CA10: variants seen among roughly 807,000 people sequenced by gnomAD.
CA10 encodes carbonic anhydrase 10 (inactive), also known as carbonic anhydrase-related protein 10.
A neutral mutation model predicts 44.2 loss-of-function variants in CA10; 14 were observed. That is an observed-to-expected ratio of 0.32 (90% CI 0.21 to 0.50). CA10 has a LOEUF of 0.50. Ranked by LOEUF, CA10 falls within the 20% of genes least tolerant of loss-of-function variation. The pLI is 0.99. For missense variants in CA10, 350 were observed against 409.7 expected, an observed-to-expected ratio of 0.85 and a Z score of 1.26; for synonymous variants, 159 against 141.6, an observed-to-expected ratio of 1.12 and a Z score of -0.87.
Position 51,815,886 on chromosome 17 carries a change from C to T in CA10, c.280-68068G>A, listed in dbSNP as rs1005718445. ...GAAATAAGCACATCATGGAGAATGG[C>T]GTATCCACCTCCTCAAACATTTATC... is the stretch of plus-strand genomic sequence containing the variant. On this transcript the variant is annotated intron_variant, in intron 3 of 8. Coordinates refer to ENST00000451037, the MANE Select transcript of CA10 (RefSeq NM_020178.5). Among the ~76,000 whole-genome samples, 17 of 151,922 alleles carry T rather than the reference C, an allele frequency of 1.1e-4. No individual in the cohort carries two copies. The South Asian group carries it at 3.5e-3, about 32-fold the overall frequency.
intron 2 of CA10, among the ~76,000 whole-genome samples, chr17:52,044,004 C>A (rs1179776735): frequency 1.3e-5 from 2 of 151,984 alleles, no homozygotes; most frequent in African/African-American, 4.8e-5. Flanking sequence ...GGGATGTTGG[C>A]CTGTAATGTT....
intron 4 of CA10, among the ~76,000 whole-genome samples, chr17:51,745,104 C>T (rs907646166): frequency 1.3e-5 from 2 of 152,178 alleles, no homozygotes; most frequent in African/African-American, 2.4e-5. Context: ...TCTCATTAGT[C>T]TAGATAGCAT....
At chr17:51,949,630 A>G (rs1050954622) in intron 2 of CA10, among the ~76,000 whole-genome samples, 12 of 152,164 alleles carry the variant, frequency 7.9e-5, no homozygotes, top group African/African-American at 2.9e-4. Context: ...TTTAGCGTGT[A>G]AGCCAACGCA....
In CA10 at chr17:51,956,890, G is replaced by A. The variant is rs147559183; in HGVS notation, c.137-25758C>T. On this transcript the variant is annotated intron_variant, in intron 2 of 8. Transcript: ENST00000451037. ...ACACATGCTACAGGGGCCCTTTAGC[G>A]TCTGCCAAGCTCTTCCCAGTCTCAA... 6.1e-3 allele frequency among the ~76,000 whole-genome samples: 927 copies of A among 152,118 alleles called. 4 individuals carry two copies. The highest frequency in any genetic ancestry group is 9.5e-3 in the Non-Finnish European group (647 of 67,984).
At chr17:51,755,300 C>A (rs532743835) in intron 3 of CA10, among the ~76,000 whole-genome samples, 1 of 152,232 alleles carries the variant, frequency 6.6e-6, no homozygotes, top group East Asian at 1.9e-4. Context: ...AGAGGTATAT[C>A]TTTTTATAAA....
At chr17:51,814,449 C>T (rs774654385) in intron 3 of CA10, among the ~76,000 whole-genome samples, 13 of 152,046 alleles carry the variant, frequency 8.6e-5, no homozygotes, top group Non-Finnish European at 1.0e-4. Flanking sequence ...AAGAAATGTA[C>T]GAGTGGGAAA....
intron 4 of CA10, among the ~76,000 whole-genome samples, chr17:51,741,180 AT>A (rs1904448752): frequency 2.6e-5 from 4 of 152,220 alleles, no homozygotes; most frequent in Non-Finnish European, 5.9e-5. Context: ...ACCTATGGGC[AT>A]GACTGGGTGA....
intron 3 of CA10, among the ~76,000 whole-genome samples, chr17:51,877,831 A>C (rs1200579196): frequency 6.6e-6 from 1 of 152,062 alleles, no homozygotes; most frequent in Non-Finnish European, 1.5e-5. Flanking sequence ...ATATAAAGAG[A>C]GGTAAAGAGG....
chr17:52,158,797 G>C (rs566571421), upstream of CA10: 17 of 152,996 alleles, frequency 1.1e-4, no homozygotes, highest in South Asian at 3.3e-3. Context: ...GGGGCGGGAG[G>C]GGGAGGAGGA....
chr17:51,707,669 A>ATGTGTGTGTGTGTGTGTG (rs1491192056), intron 4 of CA10, among the ~76,000 whole-genome samples: 37 of 39,740 alleles, frequency 9.3e-4, no homozygotes, highest in East Asian at 2.8e-3. Flanking sequence ...AAGTGGATGA[A>ATGTGTGTGTGTGTGTGTG]TATGTGTGTG....
intron 1 of CA10, among the ~76,000 whole-genome samples, chr17:52,124,731 C>T (rs1335334497): frequency 6.6e-6 from 1 of 152,146 alleles, no homozygotes; most frequent in Admixed American, 6.5e-5. Flanking sequence ...GTTTCATCCT[C>T]AATGCCTCTC....
chr17:51,893,161 A>T (rs1378025670), intron 3 of CA10, among the ~76,000 whole-genome samples: 1 of 152,198 alleles, frequency 6.6e-6, no homozygotes, highest in Non-Finnish European at 1.5e-5. Context: ...ACATAAACAA[A>T]TATGTGATAT....
intron 4 of CA10, among the ~76,000 whole-genome samples, chr17:51,740,635 A>C (rs1253917214): frequency 6.6e-6 from 1 of 152,216 alleles, no homozygotes; most frequent in African/African-American, 2.4e-5. Context: ...GAGAGGACCC[A>C]CGTGGTCTGC....
chr17:51,960,514 C>T (rs936174949), intron 2 of CA10, among the ~76,000 whole-genome samples: 8 of 152,012 alleles, frequency 5.3e-5, no homozygotes, highest in Non-Finnish European at 2.9e-5. Context: ...AAAACAAACA[C>T]TTTACATATA....
chr17:51,796,359 AG>A (rs781429879), intron 3 of CA10, among the ~76,000 whole-genome samples: 8 of 152,114 alleles, frequency 5.3e-5, no homozygotes, highest in Non-Finnish European at 1.2e-4. Context: ...CAGTGTGCAA[AG>A]ACTTCAAAGA....
intron 1 of CA10, among the ~76,000 whole-genome samples, chr17:52,119,907 A>G (rs1314405154): frequency 2.0e-5 from 3 of 152,216 alleles, no homozygotes; most frequent in Non-Finnish European, 4.4e-5. Context: ...TGAACCAACC[A>G]GTGATCTCCA....
intron 3 of CA10, among the ~76,000 whole-genome samples, chr17:51,840,261 G>A (rs1978308149): frequency 6.6e-6 from 1 of 151,992 alleles, no homozygotes; most frequent in Admixed American, 6.5e-5. Flanking sequence ...ATCAAGATAG[G>A]GTTTCACACT....
chr17:51,905,368 C>T (rs901420859), intron 3 of CA10, among the ~76,000 whole-genome samples: 1 of 152,016 alleles, frequency 6.6e-6, no homozygotes, highest in Non-Finnish European at 1.5e-5. Flanking sequence ...GTATGACACA[C>T]AGAGTAAGCT....
chr17:51,723,569 T>C (rs187236604), intron 4 of CA10, among the ~76,000 whole-genome samples: 10 of 126,808 alleles, frequency 7.9e-5, no homozygotes, highest in Non-Finnish European at 1.8e-4. Context: ...GAAATAACAT[T>C]GTATAATATC....
Sources: gnomAD v4.1 joint callset for allele counts (sites outside exome capture counted in the v4.1 genomes callset) on GRCh38, gnomAD v4.1.1 for gene constraint, MANE v1.5 for transcripts, NCBI Gene and HGNC (gene_info 2026-07-23, HGNC 2026-07-21) for gene names.